KCNQ3: variants seen among roughly 807,000 people sequenced by gnomAD.
KCNQ3 encodes potassium voltage-gated channel subfamily Q member 3.
KCNQ3 carries 30 observed loss-of-function variants against 92.5 expected under a neutral mutation model. That is an observed-to-expected ratio of 0.32 (90% CI 0.24 to 0.44). The LOEUF is 0.44. Ranked by LOEUF, KCNQ3 falls within the 20% of genes least tolerant of loss-of-function variation. The pLI is 1.00. For missense variants in KCNQ3, 913 were observed against 1,140.3 expected, an observed-to-expected ratio of 0.80 and a Z score of 2.87; for synonymous variants, 450 against 468.8, an observed-to-expected ratio of 0.96 and a Z score of 0.52.
At chr8:132,261,737 G>A (rs4736568) in intron 1 of KCNQ3, among the ~76,000 whole-genome samples, 87,043 of 151,972 alleles carry the variant, frequency 0.57, 25,742 homozygotes, top group East Asian at 0.77. Flanking sequence ...CTTCACCTGC[G>A]CAAACCCTGG....
intron 1 of KCNQ3, among the ~76,000 whole-genome samples, chr8:132,225,008 T>A (rs1012512514): frequency 2.0e-5 from 3 of 152,186 alleles, no homozygotes; most frequent in Non-Finnish European, 2.9e-5. Flanking sequence ...ATTGACAGAA[T>A]GATGCTACAT....
At chr8:132,447,144 A>C in intron 1 of KCNQ3, 2 of 1,427,878 alleles carry the variant, frequency 1.4e-6, no homozygotes, top group Non-Finnish European at 1.9e-6. Context: ...TGGGACTCTG[A>C]GTCCATCTTA....
chr8:132,252,026 T>G (rs2403739), intron 1 of KCNQ3, among the ~76,000 whole-genome samples: 65,449 of 150,668 alleles, frequency 0.43, 16,069 homozygotes, highest in East Asian at 0.71. Context: ...ATCTCAGAGT[T>G]AGCTTGCCCT....
In KCNQ3 at chr8:132,149,246, G is replaced by A. The variant is rs550633611; in HGVS notation, c.1263-7915C>T. 1.6e-3 allele frequency among the ~76,000 whole-genome samples: 237 copies of A among 152,380 alleles called. 1 individual carries two copies. The highest frequency in any genetic ancestry group is 2.7e-3 in the Non-Finnish European group (187 of 68,034). On this transcript the variant is annotated intron_variant, in intron 9 of 14. Transcript: ENST00000388996. Reference sequence around the variant, plus strand: ...AACAGGCCTGTGCACTGGGAGGACAGGGTGGGGCCGCAAAAAGTTCCTGCT... The same window carrying A: ...AACAGGCCTGTGCACTGGGAGGACAAGGTGGGGCCGCAAAAAGTTCCTGCT...
chr8:132,141,405 G>C lies in KCNQ3; in HGVS notation c.1263-74C>G, dbSNP rs1455746248. ...TTAAAATTTCCCATCCCTCCATAAA[G>C]ACTCACACATTCTCCTCCAAGGAGA... is the stretch of plus-strand genomic sequence containing the variant. On this transcript the variant is annotated intron_variant, in intron 9 of 14. Transcript: ENST00000388996. The C allele has an allele frequency of 2.4e-6, 3 of 1,276,048 alleles. No homozygotes were observed. In the East Asian group the frequency reaches 7.0e-5, roughly 30 times the overall value. 79.0% of individuals were successfully genotyped at this position (1,276,048 alleles called of 1,614,324 possible).
Position 132,163,472 on chromosome 8 carries a change from A to C in KCNQ3, c.1258T>G (p.Ser420Ala), listed in dbSNP as rs1447073118. ...FFRKEQLEAA[S>A]SQKLGLLDRV... is the part of the protein sequence containing the mutation. The stretch of plus-strand genomic sequence containing the variant: ...AATTCATAATCAGAAACTTACCTGG[A>C]TGCTGCCTCCAGCTGTTCTTTCCTA... Residue 420 changes from serine (S) to alanine (A), a missense_variant, in exon 9 of 15, where the codon TCC becomes GCC. Coordinates refer to ENST00000388996, the MANE Select transcript of KCNQ3 (RefSeq NM_004519.4). The C allele has an allele frequency of 6.2e-7, 1 of 1,612,530 alleles. No homozygotes were observed. The highest frequency in any genetic ancestry group is 8.5e-7 in the Non-Finnish European group (1 of 1,178,534).
At chr8:132,290,072 T>C (rs1816797192) in intron 1 of KCNQ3, among the ~76,000 whole-genome samples, 1 of 152,192 alleles carries the variant, frequency 6.6e-6, no homozygotes, top group Non-Finnish European at 1.5e-5. Flanking sequence ...TCCACTAATG[T>C]AGAGGCCAAC....
chr8:132,458,226 T>G (rs1353324901), intron 1 of KCNQ3, among the ~76,000 whole-genome samples: 1 of 152,126 alleles, frequency 6.6e-6, no homozygotes, highest in Non-Finnish European at 1.5e-5. Context: ...TCCCTAAGGT[T>G]CCTACCTCCC....
At chr8:132,262,564 AAT>A (rs1815822399) in intron 1 of KCNQ3, among the ~76,000 whole-genome samples, 1 of 152,094 alleles carries the variant, frequency 6.6e-6, no homozygotes, top group South Asian at 2.1e-4. Context: ...AGTTAGTGGA[AAT>A]AGTTTGTATA....
intron 9 of KCNQ3, among the ~76,000 whole-genome samples, chr8:132,142,853 G>C (rs1825339677): frequency 6.6e-6 from 1 of 152,160 alleles, no homozygotes; most frequent in Non-Finnish European, 1.5e-5. Flanking sequence ...GTGGCTGCTG[G>C]AAGGGGAGTG....
intron 1 of KCNQ3, among the ~76,000 whole-genome samples, chr8:132,369,622 G>T (rs1451023887): frequency 6.6e-6 from 1 of 151,906 alleles, no homozygotes; most frequent in Non-Finnish European, 1.5e-5. Flanking sequence ...ATGGGGGGTT[G>T]TCAAAGAGAC....
chr8:132,193,388 G>T (rs1026731293), intron 1 of KCNQ3, among the ~76,000 whole-genome samples: 4 of 152,204 alleles, frequency 2.6e-5, no homozygotes, highest in African/African-American at 9.7e-5. Context: ...GCTCTAAAGC[G>T]GCAGATGCAG....
intron 1 of KCNQ3, among the ~76,000 whole-genome samples, chr8:132,227,756 TC>T (rs1221054258): frequency 3.3e-5 from 5 of 152,146 alleles, no homozygotes; most frequent in African/African-American, 1.2e-4. Context: ...TTCTTGCACT[TC>T]CAGTGGTCAC....
intron 1 of KCNQ3, among the ~76,000 whole-genome samples, chr8:132,469,941 G>A (rs965421685): frequency 2.0e-5 from 3 of 152,020 alleles, no homozygotes; most frequent in Admixed American, 6.6e-5. Flanking sequence ...ATCCCTGGCT[G>A]CTTAAACCTC....
chr8:132,475,337 C>T (rs975333082), intron 1 of KCNQ3, among the ~76,000 whole-genome samples: 2 of 152,148 alleles, frequency 1.3e-5, no homozygotes, highest in African/African-American at 4.8e-5. Context: ...GTCTAGAGGG[C>T]TCAGAAGAAG....
chr8:132,141,053 G>C, intron 10 of KCNQ3, 76 bp downstream of exon 10: 2 of 1,361,036 alleles, frequency 1.5e-6, no homozygotes, highest in Non-Finnish European at 1.1e-6. Context: ...AGTGGGCAAA[G>C]GGAGAGGTGA....
chr8:132,348,306 T>C (rs1267612383), intron 1 of KCNQ3, among the ~76,000 whole-genome samples: 1 of 152,180 alleles, frequency 6.6e-6, no homozygotes, highest in Non-Finnish European at 1.5e-5. Flanking sequence ...TTAAAATATC[T>C]GTGTAAATTT....
At chr8:132,457,718 G>A (rs1033866276) in intron 1 of KCNQ3, among the ~76,000 whole-genome samples, 9 of 152,252 alleles carry the variant, frequency 5.9e-5, no homozygotes, top group African/African-American at 2.2e-4. Context: ...CCTTTGTACT[G>A]GAGTTGGTTA....
chr8:132,213,688 C>T (rs745929968), intron 1 of KCNQ3, among the ~76,000 whole-genome samples: 4 of 152,164 alleles, frequency 2.6e-5, no homozygotes, highest in Non-Finnish European at 5.9e-5. Flanking sequence ...CTGAGTGGGC[C>T]CATCTAAAGG....
Sources: gnomAD v4.1 joint callset for allele counts (sites outside exome capture counted in the v4.1 genomes callset) on GRCh38, gnomAD v4.1.1 for gene constraint, MANE v1.5 for transcripts, NCBI Gene and HGNC (gene_info 2026-07-23, HGNC 2026-07-21) for gene names.